The following SEMA5A variants were observed in gnomAD, a reference collection of about 807,000 sequenced individuals.
The protein encoded by SEMA5A is semaphorin-5A.
A neutral mutation model predicts 135.5 loss-of-function variants in SEMA5A; 55 were observed. The ratio of observed to expected loss-of-function variants is 0.41; its 90% CI spans 0.33 to 0.51. SEMA5A has a LOEUF of 0.51. Ranked by LOEUF, SEMA5A falls within the 20% of genes least tolerant of loss-of-function variation. SEMA5A has a pLI of 0.37. For synonymous variants in SEMA5A, 580 were observed against 546.5 expected, an observed-to-expected ratio of 1.06 and a Z score of -0.85; for missense variants, 1,290 against 1,419.9, an observed-to-expected ratio of 0.91 and a Z score of 1.47.
intron 17 of SEMA5A, 21 bp from the exon 18 acceptor site, chr5:9,063,126 G>C: frequency 6.3e-7 from 1 of 1,590,762 alleles, no homozygotes; most frequent in Non-Finnish European, 8.6e-7. Context: ...AACAGGTGAA[G>C]TGTGATTCTG....
chr5:9,099,906 T>G (rs1158222016), intron 16 of SEMA5A, among the ~76,000 whole-genome samples: 1 of 152,208 alleles, frequency 6.6e-6, no homozygotes, highest in African/African-American at 2.4e-5. Flanking sequence ...CCAGCTTCAC[T>G]CTCGACACTC....
chr5:9,049,095 T>TGAAC (rs1193319288), intron 21 of SEMA5A, among the ~76,000 whole-genome samples: 2 of 152,188 alleles, frequency 1.3e-5, no homozygotes, highest in African/African-American at 4.8e-5. Context: ...AATGAATGAA[T>TGAAC]GAACTAACAG....
intron 8 of SEMA5A, among the ~76,000 whole-genome samples, chr5:9,217,830 G>A (rs1746718732): frequency 2.0e-5 from 3 of 152,156 alleles, no homozygotes; most frequent in Admixed American, 6.5e-5. Flanking sequence ...GTGTTATTCA[G>A]CTCTGTCAGA....
chr5:9,325,655 G>A (rs564838068), intron 4 of SEMA5A, among the ~76,000 whole-genome samples: 8 of 152,158 alleles, frequency 5.3e-5, no homozygotes, highest in Admixed American at 2.0e-4. Context: ...CGGCATTAAA[G>A]AAAAGGTTGA....
At chr5:9,179,565 T>C (rs1420931206) in intron 11 of SEMA5A, among the ~76,000 whole-genome samples, 4 of 152,200 alleles carry the variant, frequency 2.6e-5, no homozygotes, top group Non-Finnish European at 2.9e-5. Context: ...CTACTAAAAA[T>C]ATTCAGAAAA....
In SEMA5A at chr5:9,430,565, T is replaced by C. The variant is rs115505154; in HGVS notation, c.-78+7191A>G. On this transcript the variant is annotated intron_variant, in intron 2 of 22. Transcript: ENST00000382496. ...GAGGCTAAGATGCAAAGCCCAGAGA[T>C]ATGAGGTCAGGCCAGAGAAATGGAG... 7.1e-3 allele frequency among the ~76,000 whole-genome samples: 1,080 copies of C among 152,166 alleles called. 14 individuals are homozygous for C. Among genetic ancestry groups the C allele is most frequent in the African/African-American group, 0.025 (1,024 of 41,488 alleles).
At chr5:9,181,439 T>C (rs1744502811) in intron 11 of SEMA5A, among the ~76,000 whole-genome samples, 1 of 152,136 alleles carries the variant, frequency 6.6e-6, no homozygotes, top group African/African-American at 2.4e-5. Flanking sequence ...TTAGAAACTA[T>C]TCTGTTGTTG....
In SEMA5A at chr5:9,221,337, G is replaced by C. The variant is rs367972603; in HGVS notation, c.646+3337C>G. Among the ~76,000 whole-genome samples the C allele has an allele frequency of 7.5e-3, 918 of 121,978 alleles. 7 individuals carry two copies. The highest frequency in any genetic ancestry group is 0.014 in the Middle Eastern group (2 of 140). The allele number at this position is 121,978 out of a possible 152,430, so 80.0% of individuals were successfully genotyped here. On this transcript the variant is annotated intron_variant, in intron 8 of 22. Transcript: ENST00000382496. ...TTTTTTTTTGAGACGGAGTCTCGCT[G>C]TGTCACCCAGGCTGGAGTGCAGTGG...
intron 13 of SEMA5A, among the ~76,000 whole-genome samples, chr5:9,123,692 T>C (rs1048873808): frequency 3.3e-5 from 5 of 152,204 alleles, no homozygotes; most frequent in African/African-American, 1.2e-4. Flanking sequence ...AAGACTTGGT[T>C]TGGCTCTCAA....
At chr5:9,197,950 C>T (rs982642342) in intron 9 of SEMA5A, among the ~76,000 whole-genome samples, 2 of 151,944 alleles carry the variant, frequency 1.3e-5, no homozygotes, top group Non-Finnish European at 2.9e-5. Flanking sequence ...CATATGAAAT[C>T]CTGAAGCCAT....
chr5:9,243,103 G>A, intron 5 of SEMA5A, among the ~76,000 whole-genome samples: 1 of 152,146 alleles, frequency 6.6e-6, no homozygotes, highest in East Asian at 1.9e-4. Flanking sequence ...TCATTCCCTA[G>A]AGCTGTTGTG....
At position 9,085,192 on chromosome 5, in the gene SEMA5A, C is replaced by T. The variant is rs537329293; in HGVS notation, c.2074-18546G>A. ...AAAGTTTGGAAAATTTGCAGCTTGA[C>T]AATGGGATAGAAAAGAAAATCCCAT... On this transcript the variant is annotated intron_variant, in intron 16 of 22. Coordinates refer to ENST00000382496, the MANE Select transcript of SEMA5A (RefSeq NM_003966.3). 2.6e-5 allele frequency among the ~76,000 whole-genome samples: 4 copies of T among 152,288 alleles called. No homozygotes were observed. In the South Asian group the frequency reaches 8.3e-4, roughly 32 times the overall value.
chr5:9,468,537 G>C (rs1363755218), intron 1 of SEMA5A, among the ~76,000 whole-genome samples: 1 of 152,010 alleles, frequency 6.6e-6, no homozygotes, highest in African/African-American at 2.4e-5. Context: ...AAAAGAAAAT[G>C]GTAGTATGTG....
intron 2 of SEMA5A, among the ~76,000 whole-genome samples, chr5:9,383,899 G>T (rs143727288): frequency 5.8e-4 from 88 of 152,262 alleles, no homozygotes; most frequent in Admixed American, 4.1e-3. Flanking sequence ...TTGGGATTTG[G>T]AAAGCGACAA....
chr5:9,295,679 T>C (rs570172864), intron 5 of SEMA5A, among the ~76,000 whole-genome samples: 1 of 152,120 alleles, frequency 6.6e-6, no homozygotes, highest in African/African-American at 2.4e-5. Context: ...GCTGACCTGA[T>C]TTCCTCATGC....
intron 2 of SEMA5A, among the ~76,000 whole-genome samples, chr5:9,428,718 G>A (rs1469920066): frequency 6.6e-6 from 1 of 152,104 alleles, no homozygotes; most frequent in Non-Finnish European, 1.5e-5. Context: ...GTCTATAATG[G>A]CTACAGCAAA....
At chr5:9,246,689 G>A (rs979594268) in intron 5 of SEMA5A, among the ~76,000 whole-genome samples, 3 of 152,120 alleles carry the variant, frequency 2.0e-5, no homozygotes, top group Admixed American at 6.5e-5. Flanking sequence ...AAGATTGTAT[G>A]GGACACCAAT....
rs1405059322 is a variant in SEMA5A, at chr5:9,202,344, TAAC to T, written c.647-107_647-105del. The T allele has an allele frequency of 2.5e-6, 3 of 1,197,154 alleles. No individual in the cohort carries two copies. The African/African-American group carries it at 4.6e-5, about 18-fold the overall frequency. The allele number at this position is 1,197,154 out of a possible 1,614,324, so 74.2% of individuals were successfully genotyped here. On this transcript the variant is annotated intron_variant, in intron 8 of 22. Transcript: ENST00000382496. The stretch of plus-strand genomic sequence containing the variant: ...CCAAAGAGACGTGGTTTTGTTTAGA[TAAC>T]ACCTGGTTCCTATAGGACTATTGGG...
chr5:9,202,759 C>G (rs1192146912), intron 8 of SEMA5A, among the ~76,000 whole-genome samples: 1 of 152,096 alleles, frequency 6.6e-6, no homozygotes, highest in Non-Finnish European at 1.5e-5. Context: ...AAAATGTTTT[C>G]ATTGTTGGGA....
Sources: gnomAD v4.1 joint callset for allele counts (sites outside exome capture counted in the v4.1 genomes callset) on GRCh38, gnomAD v4.1.1 for gene constraint, MANE v1.5 for transcripts, NCBI Gene and HGNC (gene_info 2026-07-23, HGNC 2026-07-21) for gene names.